The following TMEM132B variants were observed in gnomAD, a reference collection of about 807,000 sequenced individuals.
TMEM132B encodes the protein transmembrane protein 132B.
Under a neutral mutation model 90.8 loss-of-function variants are expected in TMEM132B, and 18 were observed. The ratio of observed to expected loss-of-function variants is 0.20; its 90% CI spans 0.14 to 0.29. The LOEUF (loss-of-function observed/expected upper bound fraction) is 0.29, where lower values mean the gene tolerates loss of function less well. Among genes scored for constraint, TMEM132B ranks in the 10% least tolerant of loss-of-function variants. TMEM132B has a pLI of 1.00. For synonymous variants in TMEM132B, 504 were observed against 523.3 expected (o/e 0.96, Z 0.50); for missense variants, 1,096 against 1,326.8 (o/e 0.83, Z 2.70).
chr12:125,620,886 A>G (rs1886098710), intron 5 of TMEM132B, among the ~76,000 whole-genome samples: 1 of 152,202 alleles, frequency 6.6e-6, no homozygotes, highest in Non-Finnish European at 1.5e-5. Flanking sequence ...ATTGCCTCCC[A>G]CTGAGTCCCT....
At chr12:125,200,742 G>C (rs1382171885) in intron 1 of TMEM132B, among the ~76,000 whole-genome samples, 1 of 152,210 alleles carries the variant, frequency 6.6e-6, no homozygotes, top group Non-Finnish European at 1.5e-5. Context: ...GTCGAGCCTA[G>C]GGGCAGTTGG....
At chr12:125,360,570 A>G (rs1328839112) in intron 2 of TMEM132B, among the ~76,000 whole-genome samples, 1 of 152,106 alleles carries the variant, frequency 6.6e-6, no homozygotes, top group Non-Finnish European at 1.5e-5. Context: ...GGGGGTCTGG[A>G]AGGCTTTGAG....
chr12:125,648,157 G>A (rs941246375), intron 6 of TMEM132B, among the ~76,000 whole-genome samples: 14 of 149,214 alleles, frequency 9.4e-5, no homozygotes, highest in East Asian at 2.0e-4. Flanking sequence ...TGCGGTGTTC[G>A]GTTTTTTATT....
rs368984381 is a variant in TMEM132B at position 125,448,964 on chromosome 12, C to CTTT, written c.1106+33305_1106+33307dup. Among the ~76,000 whole-genome samples, 88 of 124,732 alleles carry CTTT rather than the reference C, an allele frequency of 7.1e-4. 1 individual carries two copies. The highest frequency in any genetic ancestry group is 2.2e-3 in the African/African-American group (75 of 33,726). 81.8% of individuals were successfully genotyped at this position (124,732 alleles called of 152,430 possible). On this transcript the variant is annotated intron_variant, in intron 3 of 8. Coordinates refer to ENST00000682704, the MANE Select transcript of TMEM132B (RefSeq NM_001366854.1). ...TTGTGCTTATTTGGCATTCATATAT[C>CTTT]TTTTTTTTTTTTTTTTTTTTGAGAT...
intron 2 of TMEM132B, among the ~76,000 whole-genome samples, chr12:125,411,303 T>A (rs564998893): frequency 7.0e-6 from 1 of 142,046 alleles, no homozygotes; most frequent in East Asian, 2.0e-4. Context: ...AAGTGGGAGA[T>A]GAACAATGTG....
intron 1 of TMEM132B, among the ~76,000 whole-genome samples, chr12:125,348,457 T>A (rs1877437206): frequency 6.6e-6 from 1 of 151,946 alleles, no homozygotes; most frequent in African/African-American, 2.4e-5. Context: ...CCCAAGTAGT[T>A]GGGACTACAG....
rs1322831238 is a variant in TMEM132B, at chr12:125,519,436, C to T, written c.1107-3C>T. The T allele has an allele frequency of 6.3e-7, 1 of 1,593,716 alleles. No individual in the cohort carries two copies. Among genetic ancestry groups the T allele is most frequent in the Non-Finnish European group, 8.6e-7 (1 of 1,168,634 alleles). On this transcript the variant is annotated splice_region_variant and splice_polypyrimidine_tract_variant and intron_variant, in intron 3 of 8. Transcript: ENST00000682704. ...GGAACCTTAATATGTGTTTGTTTTCCAGGGTAAATGGATCCTTCTATGAGA... is the reference window on the plus strand; with the variant it reads ...GGAACCTTAATATGTGTTTGTTTTCTAGGGTAAATGGATCCTTCTATGAGA...
chr12:125,236,723 G>A (rs1035608116), intron 1 of TMEM132B, among the ~76,000 whole-genome samples: 1 of 152,222 alleles, frequency 6.6e-6, no homozygotes, highest in African/African-American at 2.4e-5. Context: ...ACCACTTCAA[G>A]CTGTCTCCTG....
At chr12:125,552,172 A>G (rs1884244593) in intron 4 of TMEM132B, among the ~76,000 whole-genome samples, 1 of 152,234 alleles carries the variant, frequency 6.6e-6, no homozygotes, top group East Asian at 1.9e-4. Flanking sequence ...AAAAATAATG[A>G]TTACGTTATT....
At chr12:125,274,672 G>A (rs1874939892) in intron 1 of TMEM132B, among the ~76,000 whole-genome samples, 1 of 152,126 alleles carries the variant, frequency 6.6e-6, no homozygotes, top group Non-Finnish European at 1.5e-5. Context: ...TATTAACTTC[G>A]CGGTAATACA....
At chr12:125,434,512 A>C (rs1880641200) in intron 3 of TMEM132B, among the ~76,000 whole-genome samples, 3 of 8,848 alleles carry the variant, frequency 3.4e-4, no homozygotes, top group African/African-American at 1.4e-3. Flanking sequence ...GTGGGAGATT[A>C]GAGGGTGGGA....
intron 3 of TMEM132B, among the ~76,000 whole-genome samples, chr12:125,476,457 G>C (rs75359383): frequency 0.015 from 2,273 of 152,232 alleles, 59 homozygotes; most frequent in African/African-American, 0.051. Flanking sequence ...CCCTGTAGCA[G>C]GGATCAGAAC....
At chr12:125,254,811 G>A (rs866291380) in intron 1 of TMEM132B, among the ~76,000 whole-genome samples, 1 of 151,274 alleles carries the variant, frequency 6.6e-6, no homozygotes, top group African/African-American at 2.4e-5. Context: ...AGCCTCCCAA[G>A]TAGCTGGGAT....
At chr12:125,489,177 A>G (rs889480042) in intron 3 of TMEM132B, among the ~76,000 whole-genome samples, 9 of 152,172 alleles carry the variant, frequency 5.9e-5, no homozygotes, top group Non-Finnish European at 1.0e-4. Context: ...CCAATCTCAG[A>G]TATCACCAGC....
chr12:125,572,998 T>A (rs1170674149), intron 4 of TMEM132B, among the ~76,000 whole-genome samples: 2 of 152,076 alleles, frequency 1.3e-5, no homozygotes, highest in Non-Finnish European at 2.9e-5. Flanking sequence ...CCTTTTGACA[T>A]TTTTTTTGAG....
chr12:125,567,299 T>C (rs965648462), intron 4 of TMEM132B, among the ~76,000 whole-genome samples: 7 of 152,222 alleles, frequency 4.6e-5, no homozygotes, highest in Non-Finnish European at 7.3e-5. Context: ...TGTCATTCTC[T>C]GTCTATAGAG....
intron 5 of TMEM132B, among the ~76,000 whole-genome samples, chr12:125,607,390 GT>G (rs1380819976): frequency 6.6e-6 from 1 of 152,202 alleles, no homozygotes; most frequent in African/African-American, 2.4e-5. Context: ...TATAGAAACA[GT>G]TTATTGATTA....
At chr12:125,401,935 A>G (rs527724684) in intron 2 of TMEM132B, among the ~76,000 whole-genome samples, 1 of 152,330 alleles carries the variant, frequency 6.6e-6, no homozygotes, top group South Asian at 2.1e-4. Flanking sequence ...TGCACTTTGA[A>G]CAAAGAATGC....
chr12:125,517,249 C>T (rs1429467412), intron 3 of TMEM132B, among the ~76,000 whole-genome samples: 2 of 151,146 alleles, frequency 1.3e-5, no homozygotes, highest in African/African-American at 4.9e-5. Context: ...CAAGCTCCAC[C>T]TCCTGGGTTC....
Sources: gnomAD v4.1 joint callset for allele counts (sites outside exome capture counted in the v4.1 genomes callset) on GRCh38, gnomAD v4.1.1 for gene constraint, MANE v1.5 for transcripts, NCBI Gene and HGNC (gene_info 2026-07-23, HGNC 2026-07-21) for gene names.